SPRR2B: variants seen among roughly 807,000 people sequenced by gnomAD.
SPRR2B encodes the protein small proline rich protein 2B.
Under a neutral mutation model 1.0 loss-of-function variants are expected in SPRR2B, and 1 was observed. The observed-to-expected ratio is 1.01, with a 90% CI of 0.36 to 4.77. SPRR2B has a LOEUF of 4.77. SPRR2B is among the 30% of genes most tolerant of loss of function. The probability of loss-of-function intolerance (pLI) is 0.16; values close to 1 mark genes in which losing one functional copy is unlikely to be tolerated. For synonymous variants in SPRR2B, 27 were observed against 33.4 expected, an observed-to-expected ratio of 0.81 and a Z score of 0.66; for missense variants, 53 against 88.7, an observed-to-expected ratio of 0.60 and a Z score of 1.62.
the SPRR2B span, among the ~76,000 whole-genome samples, chr1:153,084,806 G>A: frequency 6.6e-6 from 1 of 152,200 alleles, no homozygotes; most frequent in African/African-American, 2.4e-5. Flanking sequence ...GGGTCAGGGA[G>A]CACCTCAGCC....
chr1:153,076,034 A>G (rs781372459), upstream of SPRR2B, among the ~76,000 whole-genome samples: 1 of 152,186 alleles, frequency 6.6e-6, no homozygotes, highest in Non-Finnish European at 1.5e-5. Flanking sequence ...ATTAACATGT[A>G]TAGATATATG....
chr1:153,087,009 A>G, the SPRR2B span, among the ~76,000 whole-genome samples: 1 of 152,202 alleles, frequency 6.6e-6, no homozygotes, highest in Non-Finnish European at 1.5e-5. Context: ...AAGGAAAAAA[A>G]TCAAGAAGTT....
chr1:153,080,311 A>T, the SPRR2B span, among the ~76,000 whole-genome samples: 1 of 152,178 alleles, frequency 6.6e-6, no homozygotes, highest in East Asian at 1.9e-4. Flanking sequence ...TATATAAGCC[A>T]ATTGGACCAA....
chr1:153,081,423 T>C, the SPRR2B span, among the ~76,000 whole-genome samples: 3 of 152,208 alleles, frequency 2.0e-5, no homozygotes, highest in East Asian at 5.8e-4. Context: ...ATAAAACACT[T>C]TCAACCTAGA....
the SPRR2B span, among the ~76,000 whole-genome samples, chr1:153,082,564 C>G: frequency 6.6e-6 from 1 of 151,994 alleles, no homozygotes; most frequent in African/African-American, 2.4e-5. Flanking sequence ...ATTAAAATGG[C>G]AAATTTTACA....
At chr1:153,077,624 C>CTT in the SPRR2B span, among the ~76,000 whole-genome samples, 2 of 142,166 alleles carry the variant, frequency 1.4e-5, no homozygotes, top group African/African-American at 5.1e-5. Flanking sequence ...TTTTTCTTTT[C>CTT]TTTTTTTTTT....
chr1:153,073,271 G>A (rs139982094), upstream of SPRR2B, among the ~76,000 whole-genome samples: 119 of 152,332 alleles, frequency 7.8e-4, no homozygotes, highest in Middle Eastern at 3.4e-3. Flanking sequence ...TACAGTGGGT[G>A]CAGTAAAGGG....
chr1:153,075,390 G>A (rs188987502), upstream of SPRR2B, among the ~76,000 whole-genome samples: 237 of 151,678 alleles, frequency 1.6e-3, 2 homozygotes, highest in Middle Eastern at 0.024. Flanking sequence ...AAAAAAAACA[G>A]TTCACCAAAA....
the SPRR2B span, among the ~76,000 whole-genome samples, chr1:153,077,962 A>G: frequency 6.6e-6 from 1 of 152,256 alleles, no homozygotes; most frequent in Non-Finnish European, 1.5e-5. Flanking sequence ...ACAAAAGATA[A>G]AGGCAATAAA....
upstream of SPRR2B, among the ~76,000 whole-genome samples, chr1:153,074,785 T>C (rs1022983158): frequency 3.9e-5 from 6 of 152,218 alleles, no homozygotes; most frequent in Non-Finnish European, 5.9e-5. Flanking sequence ...ATCTTAAAAT[T>C]CTACTTTGAA....
the SPRR2B span, among the ~76,000 whole-genome samples, chr1:153,078,072 C>T: frequency 1.3e-5 from 2 of 152,132 alleles, no homozygotes; most frequent in Admixed American, 1.3e-4. Context: ...AGACCTTTCT[C>T]ATCAGTAATT....
the SPRR2B span, among the ~76,000 whole-genome samples, chr1:153,081,825 CTTTTTTTTT>C: frequency 7.3e-6 from 1 of 137,002 alleles, no homozygotes; most frequent in Non-Finnish European, 1.6e-5. Context: ...CTTTTCTTTT[CTTTTTTTTT>C]TTTTTTTTGA....
intron 1 of SPRR2B, among the ~76,000 whole-genome samples, 181 bp downstream of exon 1, chr1:153,071,388 T>C (rs1447132390): frequency 1.3e-5 from 2 of 151,604 alleles, no homozygotes; most frequent in Admixed American, 6.5e-5. Flanking sequence ...TATGAACATA[T>C]AACTGTATAT....
the SPRR2B span, among the ~76,000 whole-genome samples, chr1:153,086,762 A>T: frequency 6.6e-6 from 1 of 152,328 alleles, no homozygotes; most frequent in South Asian, 2.1e-4. Flanking sequence ...TCACCTAAAA[A>T]CAACAGAATA....
upstream of SPRR2B, among the ~76,000 whole-genome samples, chr1:153,075,077 G>A (rs1398130564): frequency 1.3e-5 from 2 of 152,150 alleles, no homozygotes; most frequent in Non-Finnish European, 2.9e-5. Context: ...CGGGAACGGT[G>A]GCTCATGCCT....
At chr1:153,086,652 G>GA in the SPRR2B span, among the ~76,000 whole-genome samples, 1 of 152,222 alleles carries the variant, frequency 6.6e-6, no homozygotes, top group South Asian at 2.1e-4. Flanking sequence ...TCATCACAAG[G>GA]ACTGTATTAG....
the SPRR2B span, among the ~76,000 whole-genome samples, chr1:153,081,995 A>C: frequency 2.6e-5 from 4 of 152,184 alleles, no homozygotes; most frequent in East Asian, 7.7e-4. Context: ...TTGTATTTTT[A>C]GTAGAGACAG....
the SPRR2B span, among the ~76,000 whole-genome samples, chr1:153,085,982 T>G: frequency 0.033 from 5,099 of 152,274 alleles, 288 homozygotes; most frequent in African/African-American, 0.12. Context: ...AAGCAAAGGC[T>G]AAGGGAATTT....
the SPRR2B span, among the ~76,000 whole-genome samples, chr1:153,079,248 G>A: frequency 6.6e-6 from 1 of 152,072 alleles, no homozygotes; most frequent in Non-Finnish European, 1.5e-5. Context: ...TGAGTTCAGT[G>A]TGGATTCTGG....
Sources: allele counts gnomAD v4.1 joint callset (sites outside exome capture counted in the v4.1 genomes callset), GRCh38; gene constraint gnomAD v4.1.1; transcripts MANE v1.5; gene names NCBI Gene and HGNC (gene_info 2026-07-23, HGNC 2026-07-21).